Variants in ZBED2 observed in about 807,000 individuals in gnomAD.
ZBED2 encodes the protein zinc finger BED-type containing 2, also known as zinc finger BED domain-containing protein 2.
For missense variants in ZBED2, 285 were observed against 281.0 expected, an observed-to-expected ratio of 1.01 and a Z score of -0.10; for synonymous variants, 97 against 98.8, an observed-to-expected ratio of 0.98 and a Z score of 0.11.
chr3:111,595,242 C>G (rs1937201069), intron 1 of ZBED2, 58 bp downstream of exon 1: 1 of 152,232 alleles, frequency 6.6e-6, no homozygotes, highest in African/African-American at 2.4e-5. Flanking sequence ...TTTATTTAAT[C>G]AAGCTCTGCA....
chr3:111,594,079 A>G lies in ZBED2; in HGVS notation c.123T>C (p.Ala41=), dbSNP rs1937135693. 6.8e-6 allele frequency: 11 copies of G among 1,614,020 alleles called. No individual in the cohort carries two copies. Among genetic ancestry groups the G allele is most frequent in the Non-Finnish European group, 9.3e-6 (11 of 1,180,040 alleles). The change falls in exon 2 of 2, where the codon GCT becomes GCC. Residue 41 remains alanine, a synonymous_variant. Transcript: ENST00000317012. ...TGTTGTGGGGCATTGGAGTGGGCAT[A>G]GCACTCACAAAAGGGCCAACCAGTT... ...TGELVGPFVS[A]MPTPMPHNKG... is the part of the protein sequence containing the mutation.
rs770053365 is a variant in ZBED2, at chr3:111,593,775, G to C, written c.427C>G (p.Leu143Val). The C allele has an allele frequency of 3.7e-6, 6 of 1,614,188 alleles. No individual in the cohort carries two copies. Among genetic ancestry groups the C allele is most frequent in the Non-Finnish European group, 5.1e-6 (6 of 1,180,030 alleles). Residue 143 changes from leucine to valine, a missense_variant, in exon 2 of 2, where the codon CTG (leucine) becomes GTG (valine). Transcript: ENST00000317012. ...AAAGCCATGGTGCCCACCTGCTCCA[G>C]GAGCCTACCCCAGTTACCCTCAATG... Reference protein sequence around the residue: ...TGIEGNWGRLLEQVGTMALWA... With the variant: ...TGIEGNWGRLVEQVGTMALWA...
chr3:111,593,604 CCTT>C lies in ZBED2; in HGVS notation c.595_597del (p.Lys199del). On this transcript the variant is annotated inframe_deletion, in exon 2 of 2. Coordinates refer to ENST00000317012, the MANE Select transcript of ZBED2 (RefSeq NM_024508.5). ...AGCTCTTTCTCCCGCTGGCATGCCT[CCTT>C]CTCAGCCCTCACCTTCCACTTCATC... 6.4e-7 allele frequency: 1 copy of C among 1,565,978 alleles called. No homozygotes were observed. Among genetic ancestry groups the C allele is most frequent in the Non-Finnish European group, 8.7e-7 (1 of 1,153,602 alleles).
Position 111,593,486 on chromosome 3 carries a change from A to AATT in ZBED2, c.*58_*59insAAT. 6.7e-7 allele frequency: 1 copy of AATT among 1,498,322 alleles called. No individual in the cohort carries two copies. The highest frequency in any genetic ancestry group is 8.9e-7 in the Non-Finnish European group (1 of 1,125,396). The allele number at this position is 1,498,322 out of a possible 1,614,324, so 92.8% of individuals were successfully genotyped here. Reference sequence around the variant, plus strand: ...GCTTTACATTTGAGTTGAAACTAAAATGGCTCTTTTCTACAAGTCTAGAGT... The same window carrying AATT: ...GCTTTACATTTGAGTTGAAACTAAAAATTTGGCTCTTTTCTACAAGTCTAGAGT... On this transcript the variant is annotated 3_prime_UTR_variant, in exon 2 of 2. Coordinates refer to ENST00000317012, the MANE Select transcript of ZBED2 (RefSeq NM_024508.5).
At position 111,593,864 on chromosome 3, in the gene ZBED2, C is replaced by G. The variant is rs145242115; in HGVS notation, c.338G>C (p.Ser113Thr). The change falls in exon 2 of 2, where the codon AGT becomes ACT. Residue 113 changes from serine (S) to threonine (T), a missense_variant. By Grantham distance (58) the Ser-to-Thr change is moderately conservative. Transcript: ENST00000317012. ...GCGCTGCCCAGCCTGACCATGGCCA[C>G]TCTTCTCCAGCTCCTCTCTGTGCAT... is the stretch of plus-strand genomic sequence containing the variant. The part of the protein sequence containing the change: ...KSMHREELEK[S>T]GHGQAGQRQD... The G allele has an allele frequency of 1.2e-6, 2 of 1,613,764 alleles. No individual in the cohort carries two copies. Among genetic ancestry groups the G allele is most frequent in the African/African-American group, 1.3e-5 (1 of 74,940 alleles).
chr3:111,593,076 T>C lies in ZBED2; in HGVS notation c.*469A>G, dbSNP rs1406716028. The C allele has an allele frequency of 6.5e-6, 1 of 153,184 alleles. No individual in the cohort carries two copies. Among genetic ancestry groups the C allele is most frequent in the Admixed American group, 6.5e-5 (1 of 15,356 alleles). The allele number at this position is 153,184 out of a possible 1,614,324, so 9.5% of individuals were successfully genotyped here. On this transcript the variant is annotated 3_prime_UTR_variant, in exon 2 of 2. Coordinates refer to ENST00000317012, the MANE Select transcript of ZBED2 (RefSeq NM_024508.5). ...GTGGTCTGGAAACTCCACCAGTACA[T>C]GTGCTAAGACCTCAGTCCTAGGAAG...
In ZBED2 at chr3:111,595,307, C is replaced by T. The variant is rs1158223429; in HGVS notation, c.-873G>A. 6.6e-6 allele frequency: 1 copy of T among 152,116 alleles called. No individual in the cohort carries two copies. The highest frequency in any genetic ancestry group is 1.5e-5 in the Non-Finnish European group (1 of 68,040). 9.4% of individuals were successfully genotyped at this position (152,116 alleles called of 1,614,324 possible). A position where few individuals can be genotyped will look rare whatever the true frequency, so the allele number is the denominator to read the frequency against. ...CCACAAGTGGGTACTTACAAGCAGG[C>T]AAGGCTCTGGACTTCTCTCTGATCT... On this transcript the variant is annotated 5_prime_UTR_variant, in exon 1 of 2. Coordinates refer to ENST00000317012, the MANE Select transcript of ZBED2 (RefSeq NM_024508.5).
At position 111,593,642 on chromosome 3, in the gene ZBED2, G is replaced by A. The variant is rs149370111; in HGVS notation, c.560C>T (p.Ala187Val). Residue 187 changes from alanine to valine, a missense_variant, in exon 2 of 2, where the codon GCC becomes GTC. By Grantham distance (64) the Ala-to-Val change is moderately conservative. Transcript: ENST00000317012. Reference protein sequence around the residue: ...RERALEEVERAILEMKWKVRA... With the variant: ...RERALEEVERVILEMKWKVRA... ...CACCTTCCACTTCATCTCCAGGATG[G>A]CCCTTTCCACCTCCTCCAGGGCTCG... is the stretch of plus-strand genomic sequence containing the variant. 4.6e-4 allele frequency: 745 copies of A among 1,604,144 alleles called. 2 individuals carry two copies. The African/African-American group carries it at 8.4e-3, about 18-fold the overall frequency.
Position 111,593,815 on chromosome 3 carries a change from G to A in ZBED2, c.387C>T (p.Pro129=). The A allele has an allele frequency of 1.2e-6, 2 of 1,614,170 alleles. No homozygotes were observed. Among genetic ancestry groups the A allele is most frequent in the Non-Finnish European group, 1.7e-6 (2 of 1,180,034 alleles). ...GQRQDPRPHG[P]QLPTGIEGNW... ...TACCCTCAATGCCTGTGGGGAGCTG[G>A]GGCCCGTGGGGCCTTGGATCCTGGC... Residue 129 remains proline (P), a synonymous_variant, in exon 2 of 2, where the codon CCC becomes CCT. Transcript: ENST00000317012.
Position 111,593,713 on chromosome 3 carries a change from C to A in ZBED2, c.489G>T (p.Arg163Ser). 6.2e-7 allele frequency: 1 copy of A among 1,614,170 alleles called. No individual in the cohort carries two copies. The change falls in exon 2 of 2, where the codon AGG (arginine) becomes AGT (serine). Residue 163 changes from arginine to serine, a missense_variant. Coordinates refer to ENST00000317012, the MANE Select transcript of ZBED2 (RefSeq NM_024508.5). ...ASQREKEVLR[R>S]ERAVEWRERA... The stretch of plus-strand genomic sequence containing the variant: ...TCTCCCGCCATTCCACTGCCCTTTC[C>A]CTCCTAAGCACCTCCTTTTCCCTTT...
chr3:111,593,477 G>A lies in ZBED2; in HGVS notation c.*68C>T. The A allele has an allele frequency of 6.7e-7, 1 of 1,489,006 alleles. No homozygotes were observed. The highest frequency in any genetic ancestry group is 8.9e-7 in the Non-Finnish European group (1 of 1,120,030). 92.2% of individuals were successfully genotyped at this position (1,489,006 alleles called of 1,614,324 possible). On this transcript the variant is annotated 3_prime_UTR_variant, in exon 2 of 2. Coordinates refer to ENST00000317012, the MANE Select transcript of ZBED2 (RefSeq NM_024508.5). The stretch of plus-strand genomic sequence containing the variant: ...AACTACTTTGCTTTACATTTGAGTT[G>A]AAACTAAAATGGCTCTTTTCTACAA...
chr3:111,595,275 C>T (rs533076995), intron 1 of ZBED2, 25 bp downstream of exon 1: 3 of 152,136 alleles, frequency 2.0e-5, no homozygotes, highest in Non-Finnish European at 4.4e-5. Context: ...TAGGAAATTC[C>T]CCCCAGCCAC....
rs938213 is a variant in ZBED2 at position 111,595,007 on chromosome 3, C to T, written c.-806G>A. On this transcript the variant is annotated 5_prime_UTR_variant, in exon 2 of 2. Transcript: ENST00000317012. ...GTGGAGCACATCTTCACAAACACAG[C>T]GTTGCCTGGCTGTCCTTAGCAAGCA... is the stretch of plus-strand genomic sequence containing the variant. The T allele has an allele frequency of 0.88, 146,837 of 167,012 alleles. 65,249 individuals are homozygous for T. The highest frequency in any genetic ancestry group is 0.95 in the East Asian group (4,917 of 5,158). The allele number at this position is 167,012 out of a possible 1,614,324, so 10.3% of individuals were successfully genotyped here. A position where few individuals can be genotyped will look rare whatever the true frequency, so the allele number is the denominator to read the frequency against.
In ZBED2 at chr3:111,593,286, G is replaced by C. The variant is rs1937080692; in HGVS notation, c.*259C>G. The stretch of plus-strand genomic sequence containing the variant: ...ACATTCTGCCCTGAAACAACTCACA[G>C]AGTTTTACTTTGGTAGAAGCATTTA... On this transcript the variant is annotated 3_prime_UTR_variant, in exon 2 of 2. Coordinates refer to ENST00000317012, the MANE Select transcript of ZBED2 (RefSeq NM_024508.5). The C allele has an allele frequency of 2.8e-6, 1 of 360,412 alleles. No individual in the cohort carries two copies. The highest frequency in any genetic ancestry group is 2.1e-5 in the African/African-American group (1 of 47,922). The allele number at this position is 360,412 out of a possible 1,614,324, so 22.3% of individuals were successfully genotyped here. A position where few individuals can be genotyped will look rare whatever the true frequency, so the allele number is the denominator to read the frequency against.
rs147488602 is a variant in ZBED2, at chr3:111,593,840, C to T, written c.362G>A (p.Arg121His). ...GGGCCCGTGGGGCCTTGGATCCTGG[C>T]GCTGCCCAGCCTGACCATGGCCACT... ...EKSGHGQAGQ[R>H]QDPRPHGPQL... Residue 121 changes from arginine (R) to histidine (H), a missense_variant, in exon 2 of 2, where the codon CGC (arginine) becomes CAC (histidine). Arg to His is a conservative substitution (Grantham distance 29, BLOSUM62 0). Transcript: ENST00000317012. The T allele has an allele frequency of 9.4e-5, 152 of 1,613,990 alleles. No individual in the cohort carries two copies. The highest frequency in any genetic ancestry group is 3.3e-4 in the Middle Eastern group (2 of 6,060).
At position 111,594,065 on chromosome 3, in the gene ZBED2, A is replaced by T. The variant is rs769390439; in HGVS notation, c.137T>A (p.Met46Lys). 1 of 1,614,140 alleles carries T rather than the reference A, an allele frequency of 6.2e-7. No homozygotes were observed. Among genetic ancestry groups the T allele is most frequent in the East Asian group, 2.2e-5 (1 of 44,862 alleles). The change falls in exon 2 of 2, where the codon ATG becomes AAG. Residue 46 changes from methionine (M) to lysine (K), a missense_variant. Coordinates refer to ENST00000317012, the MANE Select transcript of ZBED2 (RefSeq NM_024508.5). ...GPFVSAMPTP[M>K]PHNKGTRFSE... ...GAACCGGGTGCCCTTGTTGTGGGGCATTGGAGTGGGCATAGCACTCACAAA... is the reference window on the plus strand; with the variant it reads ...GAACCGGGTGCCCTTGTTGTGGGGCTTTGGAGTGGGCATAGCACTCACAAA...
rs369393306 is a variant in ZBED2 at position 111,593,972 on chromosome 3, G to A, written c.230C>T (p.Thr77Ile). 5.6e-6 allele frequency: 9 copies of A among 1,614,064 alleles called. No individual in the cohort carries two copies. The highest frequency in any genetic ancestry group is 7.6e-6 in the Non-Finnish European group (9 of 1,180,042). ...CACCTGCCTGCCACACAGGCGGCAG[G>A]TGGCATACTGGTTGGGATGGTGCCC... is the stretch of plus-strand genomic sequence containing the variant. ...RAGHHPNQYA[T>I]CRLCGRQVSR... The change falls in exon 2 of 2, where the codon ACC (threonine) becomes ATC (isoleucine). Residue 77 changes from threonine to isoleucine, a missense_variant. Transcript: ENST00000317012.
At chr3:111,595,183 GC>G (rs1454529659) in intron 1 of ZBED2, 116 bp downstream of exon 1, 1 of 156,330 alleles carries the variant, frequency 6.4e-6, no homozygotes, top group East Asian at 1.9e-4. Flanking sequence ...TTTAAAAACA[GC>G]CCGACTTCTC....
chr3:111,593,641 G>A lies in ZBED2; in HGVS notation c.561C>T (p.Ala187=), dbSNP rs756906761. 1.9e-6 allele frequency: 3 copies of A among 1,603,988 alleles called. No homozygotes were observed. The South Asian group carries it at 3.3e-5, about 18-fold the overall frequency. ...TCACCTTCCACTTCATCTCCAGGAT[G>A]GCCCTTTCCACCTCCTCCAGGGCTC... The part of the protein sequence containing the change: ...RERALEEVER[A]ILEMKWKVRA... The change falls in exon 2 of 2, where the codon GCC becomes GCT. Residue 187 remains alanine, a synonymous_variant. Transcript: ENST00000317012.
Sources: gnomAD v4.1 joint callset for allele counts on GRCh38, gnomAD v4.1.1 for gene constraint, MANE v1.5 for transcripts, NCBI Gene and HGNC (gene_info 2026-07-23, HGNC 2026-07-21) for gene names.